Variants in PCDHA6 observed in about 807,000 individuals in gnomAD.
PCDHA6 encodes protocadherin alpha 6, also known as protocadherin alpha-6.
In PCDHA6, 55 loss-of-function variants were observed where a neutral mutation model predicts 60.3. That is an observed-to-expected ratio of 0.91 (90% CI 0.73 to 1.14). The LOEUF (loss-of-function observed/expected upper bound fraction) is 1.14. PCDHA6 is among the 50% of genes most tolerant of loss of function. The pLI is 0.00. For synonymous variants in PCDHA6, 652 were observed against 557.9 expected (o/e 1.17, Z -2.38); for missense variants, 1,327 against 1,256.5 (o/e 1.06, Z -0.85).
At chr5:140,955,183 G>A (rs556157825) in intron 1 of PCDHA6, among the ~76,000 whole-genome samples, 1 of 152,122 alleles carries the variant, frequency 6.6e-6, no homozygotes, top group South Asian at 2.1e-4. Flanking sequence ...GTAGTTTTGT[G>A]GTGTATATGA....
At chr5:140,849,899 C>A in intron 1 of PCDHA6, 1 of 1,598,504 alleles carries the variant, frequency 6.3e-7, no homozygotes, top group South Asian at 1.1e-5. Flanking sequence ...AGGAGAACAA[C>A]CCGCCGGGCT....
chr5:140,870,443 T>G (rs1207012137), intron 1 of PCDHA6: 1 of 1,614,094 alleles, frequency 6.2e-7, no homozygotes, highest in Non-Finnish European at 8.5e-7. Flanking sequence ...GTGGCCGACG[T>G]GAACGACAAT....
At chr5:140,913,997 A>G (rs2076553878) in intron 1 of PCDHA6, among the ~76,000 whole-genome samples, 1 of 152,170 alleles carries the variant, frequency 6.6e-6, no homozygotes, top group Admixed American at 6.5e-5. Flanking sequence ...TGACTAGCAT[A>G]TGGTCTATCT....
chr5:140,851,954 GGT>G, intron 1 of PCDHA6: 1 of 974,722 alleles, frequency 1.0e-6, no homozygotes, highest in Non-Finnish European at 1.2e-6. Flanking sequence ...CTTTCAAAAT[GGT>G]GGTTTTCCAC....
At chr5:140,918,560 G>A (rs1243205653) in intron 1 of PCDHA6, among the ~76,000 whole-genome samples, 1 of 152,180 alleles carries the variant, frequency 6.6e-6, no homozygotes, top group Non-Finnish European at 1.5e-5. Context: ...TGAGAAGAAT[G>A]TATATTATGC....
intron 1 of PCDHA6, chr5:140,864,667 T>G (rs1234979234): frequency 2.6e-5 from 4 of 152,252 alleles, no homozygotes; most frequent in Non-Finnish European, 5.9e-5. Context: ...AATTACCTGT[T>G]GACTTAATTG....
At chr5:140,940,776 T>A (rs2092683795) in intron 1 of PCDHA6, among the ~76,000 whole-genome samples, 1 of 152,222 alleles carries the variant, frequency 6.6e-6, no homozygotes, top group African/African-American at 2.4e-5. Flanking sequence ...CTTTTGATGG[T>A]CCATATCCTG....
At chr5:140,936,512 A>G (rs575884793) in intron 1 of PCDHA6, among the ~76,000 whole-genome samples, 1 of 152,324 alleles carries the variant, frequency 6.6e-6, no homozygotes, top group Non-Finnish European at 1.5e-5. Context: ...TAGATCTTAA[A>G]TTACCTGAAA....
rs2150499672 is a variant in PCDHA6 at position 140,850,819 on chromosome 5, G to A, written c.2394+20334G>A. 1.0e-5 allele frequency: 16 copies of A among 1,598,272 alleles called. No individual in the cohort carries two copies. In the African/African-American group the frequency reaches 1.7e-4, roughly 17 times the overall value. On this transcript the variant is annotated intron_variant, in intron 1 of 3. Transcript: ENST00000529310. ...ACCGACCTCATGGCCTTCAGCCCGGGCCTTTCTCCTTGTGCTGGATCTACA... is the reference window on the plus strand; with the variant it reads ...ACCGACCTCATGGCCTTCAGCCCGGACCTTTCTCCTTGTGCTGGATCTACA...
chr5:140,978,703 G>C (rs556167285), intron 1 of PCDHA6, among the ~76,000 whole-genome samples: 1 of 152,328 alleles, frequency 6.6e-6, no homozygotes, highest in East Asian at 1.9e-4. Context: ...AGCCAAAGGT[G>C]GCCTTTACAA....
At chr5:140,981,338 G>A (rs1563488090) in intron 2 of PCDHA6, among the ~76,000 whole-genome samples, 1 of 152,100 alleles carries the variant, frequency 6.6e-6, no homozygotes, top group Non-Finnish European at 1.5e-5. Context: ...CTTTGGGAGG[G>A]TGAGGCAGGT....
At chr5:140,875,815 C>T (rs782785462) in intron 1 of PCDHA6, 11 of 1,614,218 alleles carry the variant, frequency 6.8e-6, no homozygotes, top group Non-Finnish European at 9.3e-6. Flanking sequence ...CAGGCCGCTG[C>T]AGGTTTTCCA....
At position 140,829,190 on chromosome 5, in the gene PCDHA6, A is replaced by G. The variant is rs1364701507; in HGVS notation, c.1099A>G (p.Thr367Ala). The G allele has an allele frequency of 4.3e-6, 7 of 1,614,074 alleles. No homozygotes were observed. The Admixed American group carries it at 1.0e-4, about 23-fold the overall frequency. Residue 367 changes from threonine to alanine, a missense_variant, in exon 1 of 4, where the codon ACT (threonine) becomes GCT (alanine). Physicochemically the swap from Thr to Ala is moderately conservative, Grantham distance 58 (BLOSUM62 0). Coordinates refer to ENST00000529310, the MANE Select transcript of PCDHA6 (RefSeq NM_018909.4). ...TGTACGTGAAGACGCTCAATTTGGT[A>G]CTGTCATCGCCCTAATTAGCGTGAA... is the stretch of plus-strand genomic sequence containing the variant. ...LPVREDAQFG[T>A]VIALISVNDL...
intron 1 of PCDHA6, chr5:140,926,516 G>C: frequency 5.0e-6 from 1 of 198,082 alleles, no homozygotes; most frequent in Non-Finnish European, 1.0e-5. Context: ...CCCAGGCTCC[G>C]CCCTGCGCCC....
intron 1 of PCDHA6, among the ~76,000 whole-genome samples, chr5:140,839,603 T>TG (rs1554137521): frequency 6.6e-6 from 1 of 152,086 alleles, no homozygotes; most frequent in African/African-American, 2.4e-5. Context: ...TTGCCCAGGC[T>TG]GGTCTCAAAC....
At chr5:140,975,304 G>A (rs1395392874) in intron 1 of PCDHA6, among the ~76,000 whole-genome samples, 2 of 152,200 alleles carry the variant, frequency 1.3e-5, no homozygotes, top group African/African-American at 2.4e-5. Context: ...AAGAGCTCAT[G>A]TGATTATGTC....
At chr5:140,972,334 A>G (rs2153793460) in intron 1 of PCDHA6, among the ~76,000 whole-genome samples, 1 of 151,024 alleles carries the variant, frequency 6.6e-6, no homozygotes, top group Admixed American at 6.6e-5. Flanking sequence ...TTTTTGGAAG[A>G]GATGGGGGTC....
chr5:140,945,992 G>T (rs1271634546), intron 1 of PCDHA6, among the ~76,000 whole-genome samples: 1 of 151,978 alleles, frequency 6.6e-6, no homozygotes, highest in Non-Finnish European at 1.5e-5. Flanking sequence ...CTAATGGATT[G>T]CATCAAACTA....
chr5:140,856,488 T>C lies in PCDHA6; in HGVS notation c.2394+26003T>C. Reference sequence around the variant, plus strand: ...CTCTCAATACCTGAATCCAGACTGCTTGACTCTCGATTTCCACTAGAAGGC... The same window carrying C: ...CTCTCAATACCTGAATCCAGACTGCCTGACTCTCGATTTCCACTAGAAGGC... On this transcript the variant is annotated intron_variant, in intron 1 of 3. Coordinates refer to ENST00000529310, the MANE Select transcript of PCDHA6 (RefSeq NM_018909.4). 3.1e-6 allele frequency: 5 copies of C among 1,598,406 alleles called. 2 individuals carry two copies. Among genetic ancestry groups the C allele is most frequent in the Non-Finnish European group, 3.4e-6 (4 of 1,167,896 alleles).
Sources: allele counts gnomAD v4.1 joint callset (sites outside exome capture counted in the v4.1 genomes callset), GRCh38; gene constraint gnomAD v4.1.1; transcripts MANE v1.5; gene names NCBI Gene and HGNC (gene_info 2026-07-23, HGNC 2026-07-21).